The following TULP2 variants were observed in gnomAD, a reference collection of about 807,000 sequenced individuals.
TULP2 encodes the protein TUB like protein 2, also known as tubby-related protein 2.
A neutral mutation model predicts 60.3 loss-of-function variants in TULP2; 64 were observed. The ratio of observed to expected loss-of-function variants is 1.06; its 90% confidence interval spans 0.87 to 1.31. The LOEUF (loss-of-function observed/expected upper bound fraction) is 1.31, where lower values mean the gene tolerates loss of function less well. TULP2 is among the 50% of genes most tolerant of loss of function. The pLI is 0.00. For missense variants in TULP2, 652 were observed against 667.0 expected, an observed-to-expected ratio of 0.98 and a Z score of 0.25; for synonymous variants, 267 against 265.4, an observed-to-expected ratio of 1.01 and a Z score of -0.06.
intron 8 of TULP2, 83 bp downstream of exon 8, chr19:48,887,867 T>C (rs2037195945): frequency 2.7e-6 from 4 of 1,477,826 alleles, no homozygotes; most frequent in South Asian, 2.5e-5. Context: ...CCCAGGCTGG[T>C]CTTGACCTAG....
intron 8 of TULP2, 95 bp from the exon 9 acceptor site, chr19:48,885,655 G>T: frequency 1.8e-6 from 2 of 1,097,648 alleles, no homozygotes; most frequent in Non-Finnish European, 2.7e-6. Context: ...AGGCTGCGGC[G>T]GGCAGATCAC....
rs2037139387 is a variant in TULP2 at position 48,882,137 on chromosome 19, T to C, written c.1342A>G (p.Lys448Glu). 6.2e-7 allele frequency: 1 copy of C among 1,614,216 alleles called. No individual in the cohort carries two copies. Among genetic ancestry groups the C allele is most frequent in the Non-Finnish European group, 8.5e-7 (1 of 1,180,044 alleles). ...TTCTCCTTGTCCCACGACGGGGTTT[T>C]GTTGTGCAACAAAAGCAACCCTTGT... ...DKQGLLLLHN[K>E]TPSWDKENGV... Residue 448 changes from lysine to glutamate, a missense_variant, in exon 12 of 13, where the codon AAA becomes GAA. Coordinates refer to ENST00000221399, the MANE Select transcript of TULP2 (RefSeq NM_003323.3).
At chr19:48,892,241 G>C (rs371425429) in intron 6 of TULP2, among the ~76,000 whole-genome samples, 2 of 152,186 alleles carry the variant, frequency 1.3e-5, no homozygotes, top group African/African-American at 4.8e-5. Flanking sequence ...TGTCTCAGTC[G>C]GGGAAATCCT....
intron 4 of TULP2, among the ~76,000 whole-genome samples, chr19:48,895,838 C>T (rs956239244): frequency 6.6e-6 from 1 of 152,124 alleles, no homozygotes; most frequent in African/African-American, 2.4e-5. Context: ...GATATCCTGC[C>T]ATTGTACTCC....
At position 48,889,627 on chromosome 19, in the gene TULP2, G is replaced by C; in HGVS notation, c.519C>G (p.Thr173=). The stretch of plus-strand genomic sequence containing the variant: ...GGGAGTCACTCTCACCCTCTGCACG[G>C]GTCCCTAATGTGGGGAAAAGCAAGA... The part of the protein sequence containing the change: ...KGWQAHQRPG[T]RAEGESDSQD... The change falls in exon 7 of 13, where the codon ACC becomes ACG. Residue 173 remains threonine (T), a synonymous_variant. Transcript: ENST00000221399. 4 of 1,576,440 alleles carry C rather than the reference G, an allele frequency of 2.5e-6. No individual in the cohort carries two copies. Among genetic ancestry groups the C allele is most frequent in the Non-Finnish European group, 3.5e-6 (4 of 1,152,266 alleles).
chr19:48,882,860 T>C (rs1439646525), intron 11 of TULP2, among the ~76,000 whole-genome samples: 1 of 152,230 alleles, frequency 6.6e-6, no homozygotes, highest in Non-Finnish European at 1.5e-5. Flanking sequence ...AGTACACTGA[T>C]TTCTTTATTA....
chr19:48,886,767 A>AT (rs200818027), intron 8 of TULP2, among the ~76,000 whole-genome samples: 18,054 of 140,144 alleles, frequency 0.13, 1,243 homozygotes, highest in African/African-American at 0.19. Flanking sequence ...GGTCCAGACT[A>AT]TTTTTTTTTT....
At chr19:48,896,281 T>C (rs2122143772) in intron 4 of TULP2, 149 bp downstream of exon 4, 2 of 1,158,572 alleles carry the variant, frequency 1.7e-6, no homozygotes, top group Non-Finnish European at 2.3e-6. Context: ...CCACAGGCCC[T>C]GTTCTAAAGC....
Position 48,897,079 on chromosome 19 carries a change from G to A in TULP2, c.84+266C>T, listed in dbSNP as rs10426739. Among the ~76,000 whole-genome samples, 31,111 of 151,876 alleles carry A rather than the reference G, an allele frequency of 0.2. 4,344 individuals carry two copies. Among genetic ancestry groups the A allele is most frequent in the African/African-American group, 0.4 (16,546 of 41,390 alleles). On this transcript the variant is annotated intron_variant, in intron 3 of 12. Coordinates refer to ENST00000221399, the MANE Select transcript of TULP2 (RefSeq NM_003323.3). This position sits in a 1 kb window ranked among gnomAD's most constrained non-coding sequence, Gnocchi z 4.0. Reference sequence around the variant, plus strand: ...TAATTTTTTGTGTGTTAGTAGAGACGGGGTTTCGCCGTGTTGGCCAGGCTT... The same window carrying A: ...TAATTTTTTGTGTGTTAGTAGAGACAGGGTTTCGCCGTGTTGGCCAGGCTT...
In TULP2 at chr19:48,887,856, C is replaced by T. The variant is rs1358200285; in HGVS notation, c.948+94G>A. The T allele has an allele frequency of 1.4e-5, 20 of 1,391,184 alleles. No homozygotes were observed. The East Asian group carries it at 4.7e-4, about 32-fold the overall frequency. The allele number at this position is 1,391,184 out of a possible 1,614,324, so 86.2% of individuals were successfully genotyped here. A position where few individuals can be genotyped will look rare whatever the true frequency, so the allele number is the denominator to read the frequency against. ...TATAGGCGTGAGCCACTGTGCCCAG[C>T]CCCAGGCTGGTCTTGACCTAGCTCA... On this transcript the variant is annotated intron_variant, in intron 8 of 12. Transcript: ENST00000221399.
At chr19:48,896,379 TC>T in intron 4 of TULP2, 50 bp downstream of exon 4, 1 of 1,517,322 alleles carries the variant, frequency 6.6e-7, no homozygotes. Flanking sequence ...GCCCACAGAC[TC>T]CCACAGGCCC....
chr19:48,889,460 G>A (rs747183850), intron 7 of TULP2, 50 bp downstream of exon 7: 10 of 1,542,142 alleles, frequency 6.5e-6, no homozygotes, highest in East Asian at 4.6e-5. Flanking sequence ...CCAGAGGTCC[G>A]AGGCTAGCCC....
chr19:48,885,600 G>C, intron 8 of TULP2, 40 bp from the exon 9 acceptor site: 2 of 1,580,880 alleles, frequency 1.3e-6, no homozygotes, highest in Middle Eastern at 1.7e-4. Flanking sequence ...TGGACTTCTG[G>C]ATGCTGGGTG....
chr19:48,887,595 T>C (rs1459208758), intron 8 of TULP2, among the ~76,000 whole-genome samples: 1 of 151,972 alleles, frequency 6.6e-6, no homozygotes, highest in Non-Finnish European at 1.5e-5. Context: ...TCTTCCTCTG[T>C]CGCCTAGGCT....
At position 48,882,197 on chromosome 19, in the gene TULP2, C is replaced by T. The variant is rs1009375355; in HGVS notation, c.1282G>A (p.Glu428Lys). ...CGTTGGTAACGACTCAGTAGCGACT[C>T]CTGTTCCTAGAAGGTAAAGAAGGGG... ...RINVQPLNEQ[E>K]SLLSRYQRGD... Residue 428 changes from glutamate to lysine, a missense_variant, in exon 12 of 13, where the codon GAG (glutamate) becomes AAG (lysine). Coordinates refer to ENST00000221399, the MANE Select transcript of TULP2 (RefSeq NM_003323.3). The T allele has an allele frequency of 4.3e-6, 7 of 1,613,946 alleles. No homozygotes were observed. Among genetic ancestry groups the T allele is most frequent in the African/African-American group, 2.7e-5 (2 of 74,908 alleles).
At chr19:48,888,328 A>G (rs8112951) in intron 7 of TULP2, 67 bp from the exon 8 acceptor site, 167,885 of 1,489,892 alleles carry the variant, frequency 0.11, 13,325 homozygotes, top group African/African-American at 0.41. Flanking sequence ...CTACTGATTG[A>G]CCATCCCAGC....
At chr19:48,882,542 A>G (rs554284897) in intron 11 of TULP2, among the ~76,000 whole-genome samples, 9 of 152,320 alleles carry the variant, frequency 5.9e-5, no homozygotes, top group African/African-American at 2.2e-4. Flanking sequence ...ATGAGAGTAC[A>G]CTGAACAAAG....
chr19:48,883,711 C>A (rs1041940276), intron 11 of TULP2, 43 bp downstream of exon 11: 2 of 1,607,464 alleles, frequency 1.2e-6, no homozygotes, highest in Non-Finnish European at 1.7e-6. Flanking sequence ...CGGCCCCAGC[C>A]CCTTCTCCAT....
chr19:48,893,560 T>TC (rs2037252795), intron 6 of TULP2, among the ~76,000 whole-genome samples: 1 of 152,038 alleles, frequency 6.6e-6, no homozygotes, highest in Non-Finnish European at 1.5e-5. Flanking sequence ...TTTCTTTCTT[T>TC]TTTTTTTCCT....
Sources: allele counts gnomAD v4.1 joint callset (sites outside exome capture counted in the v4.1 genomes callset), GRCh38; gene constraint gnomAD v4.1.1; non-coding constraint Gnocchi (gnomAD v3.1); transcripts MANE v1.5; gene names NCBI Gene and HGNC (gene_info 2026-07-23, HGNC 2026-07-21).